Variants in GRIP1 observed in about 807,000 individuals in gnomAD.
GRIP1 encodes glutamate receptor-interacting protein 1.
In GRIP1, 45 loss-of-function variants were observed where a neutral mutation model predicts 129.9. The ratio of observed to expected loss-of-function variants is 0.35; its 90% CI spans 0.27 to 0.44. The LOEUF (loss-of-function observed/expected upper bound fraction) is 0.44, where lower values mean the gene tolerates loss of function less well. GRIP1 is among the 20% of genes least tolerant of loss of function. The pLI is 1.00. For missense variants in GRIP1, 1,196 were observed against 1,396.8 expected, an observed-to-expected ratio of 0.86 and a Z score of 2.29; for synonymous variants, 530 against 520.8, an observed-to-expected ratio of 1.02 and a Z score of -0.24.
At chr12:66,601,448 C>G (rs1026944786) in intron 1 of GRIP1, among the ~76,000 whole-genome samples, 3 of 152,172 alleles carry the variant, frequency 2.0e-5, no homozygotes, top group African/African-American at 7.2e-5. Context: ...TTCTCCATTT[C>G]CTGAGACTCT....
chr12:66,967,577 AT>A (rs2042015733), intron 1 of GRIP1, among the ~76,000 whole-genome samples: 2 of 152,050 alleles, frequency 1.3e-5, no homozygotes, highest in African/African-American at 4.8e-5. Context: ...GGGTCTCACT[AT>A]GTTGTTCAGG....
chr12:67,065,898 G>T (rs1223927195), intron 1 of GRIP1, among the ~76,000 whole-genome samples: 3 of 152,150 alleles, frequency 2.0e-5, no homozygotes, highest in Admixed American at 6.5e-5. Context: ...TATCAAACAG[G>T]ACAGTTTTCA....
intron 7 of GRIP1, among the ~76,000 whole-genome samples, chr12:66,487,644 T>C (rs1163398327): frequency 6.6e-6 from 1 of 152,108 alleles, no homozygotes; most frequent in Non-Finnish European, 1.5e-5. Context: ...ATACAAACTT[T>C]AAATGTAAAC....
At chr12:66,681,010 A>G (rs2034563307), upstream of GRIP1, among the ~76,000 whole-genome samples, 1 of 152,160 alleles carries the variant, frequency 6.6e-6, no homozygotes, top group Non-Finnish European at 1.5e-5. Context: ...GTCCCAAGAA[A>G]GGTCTTCAGA....
chr12:66,370,063 C>T (rs1471352881), intron 23 of GRIP1, among the ~76,000 whole-genome samples: 1 of 152,214 alleles, frequency 6.6e-6, no homozygotes, highest in South Asian at 2.1e-4. Flanking sequence ...TGCATCCCCT[C>T]CCTCAGTGCA....
At chr12:66,594,022 C>T (rs1453487168) in intron 2 of GRIP1, among the ~76,000 whole-genome samples, 7 of 126,118 alleles carry the variant, frequency 5.6e-5, no homozygotes, top group Admixed American at 1.0e-4. Context: ...GAGCCGAGAT[C>T]GTGCCACTGT....
chr12:66,849,236 C>T (rs2039869652), intron 1 of GRIP1, among the ~76,000 whole-genome samples: 1 of 152,076 alleles, frequency 6.6e-6, no homozygotes, highest in Non-Finnish European at 1.5e-5. Context: ...ACCTTGTCCT[C>T]TTCTATCTGG....
Position 66,420,729 on chromosome 12 carries a change from A to T in GRIP1, c.1829T>A (p.Val610Glu). The T allele has an allele frequency of 6.4e-7, 1 of 1,562,072 alleles. No homozygotes were observed. Among genetic ancestry groups the T allele is most frequent in the Non-Finnish European group, 8.8e-7 (1 of 1,132,256 alleles). Residue 610 changes from valine to glutamate, a missense_variant, in exon 15 of 25, where the codon GTG becomes GAG. Val to Glu is a moderately radical substitution (Grantham distance 121). Coordinates refer to ENST00000359742, the MANE Select transcript of GRIP1 (RefSeq NM_001366722.1). ...LVISDIKKGS[V>E]AHRTGTLELG... ...AATCCATTTTCCTTACCTGTGTGCC[A>T]CACTCCCTTTCTTGATATCTGAAAT... is the stretch of plus-strand genomic sequence containing the variant.
At chr12:66,770,171 A>G (rs993338352) in intron 1 of GRIP1, among the ~76,000 whole-genome samples, 3 of 152,218 alleles carry the variant, frequency 2.0e-5, no homozygotes, top group Non-Finnish European at 4.4e-5. Flanking sequence ...TGTTCGATAA[A>G]TGTGAGTTTT....
intron 1 of GRIP1, among the ~76,000 whole-genome samples, chr12:66,599,375 T>C (rs996237133): frequency 6.6e-6 from 1 of 152,154 alleles, no homozygotes; most frequent in African/African-American, 2.4e-5. Context: ...CTTGGCAACA[T>C]TGATCATCAG....
intron 1 of GRIP1, among the ~76,000 whole-genome samples, chr12:66,660,579 C>T (rs1202169336): frequency 6.6e-6 from 1 of 152,064 alleles, no homozygotes; most frequent in African/African-American, 2.4e-5. Flanking sequence ...AACCATAAGA[C>T]TACATAATAA....
intron 1 of GRIP1, among the ~76,000 whole-genome samples, chr12:66,825,245 A>G (rs1260250122): frequency 1.3e-5 from 2 of 152,110 alleles, no homozygotes; most frequent in Non-Finnish European, 2.9e-5. Context: ...TTTATAAGCA[A>G]ATTTTTTCAT....
chr12:66,572,173 G>C (rs1209507750), intron 2 of GRIP1, among the ~76,000 whole-genome samples: 1 of 152,224 alleles, frequency 6.6e-6, no homozygotes, highest in Non-Finnish European at 1.5e-5. Context: ...GAACGAACTG[G>C]GGAGTGAATC....
Position 66,529,910 on chromosome 12 carries a change from C to T in GRIP1, c.423G>A (p.Val141=), listed in dbSNP as rs764275519. The part of the protein sequence containing the change: ...EVEYELPPVS[V]QGSSVIFRTV... ...TTCGGAAAATAACACTTGATCCTTG[C>T]ACAGCTGAATAAAGGAAAGAGAGAA... Residue 141 remains valine (V), a synonymous_variant, in exon 5 of 25, where the codon GTG becomes GTA. Transcript: ENST00000359742. The T allele has an allele frequency of 6.4e-7, 1 of 1,568,606 alleles. No homozygotes were observed. Among genetic ancestry groups the T allele is most frequent in the Non-Finnish European group, 8.8e-7 (1 of 1,138,510 alleles).
intron 1 of GRIP1, among the ~76,000 whole-genome samples, chr12:67,024,933 T>A (rs2042919753): frequency 6.6e-6 from 1 of 152,238 alleles, no homozygotes; most frequent in South Asian, 2.1e-4. Context: ...CATTTGTTTT[T>A]CTTTCATTTA....
intron 7 of GRIP1, among the ~76,000 whole-genome samples, chr12:66,495,766 C>A (rs1175794054): frequency 1.3e-5 from 2 of 152,148 alleles, no homozygotes; most frequent in Admixed American, 1.3e-4. Flanking sequence ...GAATGTACCA[C>A]TCAGCACGAA....
At chr12:66,962,675 G>C (rs1240417221) in intron 1 of GRIP1, among the ~76,000 whole-genome samples, 2 of 151,942 alleles carry the variant, frequency 1.3e-5, no homozygotes, top group African/African-American at 4.8e-5. Flanking sequence ...AAATATTCGA[G>C]GTCCTAAATA....
upstream of GRIP1, among the ~76,000 whole-genome samples, chr12:66,680,963 T>G (rs1353723915): frequency 6.8e-6 from 1 of 146,258 alleles, no homozygotes; most frequent in African/African-American, 2.5e-5. Context: ...CTAATATGCT[T>G]ATTTTTTTTG....
At chr12:66,392,223 T>C in intron 19 of GRIP1, 85 bp downstream of exon 19, 4 of 824,624 alleles carry the variant, frequency 4.9e-6, no homozygotes, top group Non-Finnish European at 6.3e-6. Flanking sequence ...AGAAAGATAT[T>C]CTCCTCATGG....
Sources: allele counts gnomAD v4.1 joint callset (sites outside exome capture counted in the v4.1 genomes callset), GRCh38; gene constraint gnomAD v4.1.1; transcripts MANE v1.5; gene names NCBI Gene and HGNC (gene_info 2026-07-23, HGNC 2026-07-21).